The following TCERG1L variants were observed in gnomAD, a reference collection of about 807,000 sequenced individuals.
TCERG1L encodes the protein transcription elongation regulator 1-like protein.
TCERG1L carries 37 observed loss-of-function variants against 56.3 expected under a neutral mutation model. The observed-to-expected ratio is 0.66, with a 90% CI of 0.51 to 0.87. TCERG1L has a LOEUF of 0.87. Ranked by LOEUF, TCERG1L falls within the 40% of genes least tolerant of loss-of-function variation. The pLI is 0.00. For synonymous variants in TCERG1L, 324 were observed against 326.3 expected (o/e 0.99, Z 0.08); for missense variants, 799 against 774.2 (o/e 1.03, Z -0.38).
intron 3 of TCERG1L, among the ~76,000 whole-genome samples, chr10:131,298,739 G>T (rs1846724739): frequency 6.6e-6 from 1 of 152,162 alleles, no homozygotes; most frequent in Non-Finnish European, 1.5e-5. Flanking sequence ...TAAAATTTTT[G>T]ACTTGTTTTA....
intron 9 of TCERG1L, among the ~76,000 whole-genome samples, chr10:131,109,105 A>C (rs1845384813): frequency 6.6e-6 from 1 of 151,944 alleles, no homozygotes; most frequent in African/African-American, 2.4e-5. Context: ...TTAGAACCCC[A>C]TCTGCCCAGC....
chr10:131,182,507 G>A (rs922560072), intron 4 of TCERG1L, among the ~76,000 whole-genome samples: 1 of 152,234 alleles, frequency 6.6e-6, no homozygotes, highest in East Asian at 1.9e-4. Context: ...TGATTTAAAT[G>A]AGTAGATACT....
At chr10:131,282,464 GAAAGT>G (rs1240248662) in intron 3 of TCERG1L, among the ~76,000 whole-genome samples, 1 of 152,126 alleles carries the variant, frequency 6.6e-6, no homozygotes, top group Non-Finnish European at 1.5e-5. Context: ...AGAAACCAGC[GAAAGT>G]AACCTCAGCC....
At chr10:131,117,970 T>C (rs1334983544) in intron 8 of TCERG1L, among the ~76,000 whole-genome samples, 1 of 152,034 alleles carries the variant, frequency 6.6e-6, no homozygotes, top group Non-Finnish European at 1.5e-5. Context: ...TGGGGGCAGG[T>C]CCGTCGGCTG....
At chr10:131,272,045 A>G (rs1846345014) in intron 3 of TCERG1L, among the ~76,000 whole-genome samples, 1 of 152,156 alleles carries the variant, frequency 6.6e-6, no homozygotes, top group African/African-American at 2.4e-5. Flanking sequence ...TCACAGGGAG[A>G]TAAGCCTGGG....
At chr10:131,210,078 T>G (rs569929030) in intron 4 of TCERG1L, among the ~76,000 whole-genome samples, 3 of 152,312 alleles carry the variant, frequency 2.0e-5, no homozygotes, top group African/African-American at 7.2e-5. Flanking sequence ...AGAAGTGACA[T>G]AAAGATCACC....
rs556899932 is a variant in TCERG1L, at chr10:131,224,780, A to G, written c.856+35479T>C. On this transcript the variant is annotated intron_variant, in intron 4 of 11. Coordinates refer to ENST00000368642, the MANE Select transcript of TCERG1L (RefSeq NM_174937.4). ...CACCCCCTACTCTCCCAGATAAAAC[A>G]TGTGGGAAAACACTGACAATCTGTG... is the stretch of plus-strand genomic sequence containing the variant. Among the ~76,000 whole-genome samples the G allele has an allele frequency of 2.6e-5, 4 of 151,308 alleles. No individual in the cohort carries two copies. The East Asian group carries it at 7.8e-4, about 30-fold the overall frequency.
chr10:131,150,206 T>A (rs888948219), intron 6 of TCERG1L, among the ~76,000 whole-genome samples: 1 of 13,098 alleles, frequency 7.6e-5, no homozygotes, highest in Admixed American at 1.0e-3. Flanking sequence ...GATGGACCTG[T>A]TGAGCACCAT....
In TCERG1L at chr10:131,146,500, A is replaced by T; in HGVS notation, c.1189+6T>A. ...AGGAGGTGTAAATAACCCAGGGCTT[A>T]GTTACTTGCTGGTGCCTCCAGCTTG... On this transcript the variant is annotated splice_donor_region_variant and intron_variant, in intron 7 of 11. Coordinates refer to ENST00000368642, the MANE Select transcript of TCERG1L (RefSeq NM_174937.4). 1 of 1,605,548 alleles carries T rather than the reference A, an allele frequency of 6.2e-7. No homozygotes were observed. Among genetic ancestry groups the T allele is most frequent in the South Asian group, 1.1e-5 (1 of 90,412 alleles).
intron 6 of TCERG1L, 85 bp from the exon 7 acceptor site, chr10:131,146,745 CCCTCAGG>C: frequency 8.3e-6 from 12 of 1,453,212 alleles, no homozygotes; most frequent in South Asian, 2.9e-5. Context: ...CTGAAAAAGC[CCCTCAGG>C]ACCGAAATCC....
intron 6 of TCERG1L, among the ~76,000 whole-genome samples, chr10:131,151,146 C>G (rs1360563868): frequency 6.6e-6 from 1 of 152,222 alleles, no homozygotes; most frequent in Admixed American, 6.5e-5. Flanking sequence ...TCTCCCAAAT[C>G]TCATGTTCCT....
chr10:131,202,361 C>T (rs907332979), intron 4 of TCERG1L, among the ~76,000 whole-genome samples: 2 of 152,198 alleles, frequency 1.3e-5, no homozygotes, highest in Non-Finnish European at 2.9e-5. Context: ...GAGGGCGGAT[C>T]ACCTGAGGTC....
chr10:131,228,290 A>G (rs1272883605), intron 4 of TCERG1L, among the ~76,000 whole-genome samples: 1 of 81,964 alleles, frequency 1.2e-5, no homozygotes, highest in African/African-American at 5.1e-5. Flanking sequence ...CCCTCCAGAC[A>G]GGCATTTCCT....
chr10:131,153,835 G>A (rs572836750), intron 6 of TCERG1L, among the ~76,000 whole-genome samples: 1 of 152,218 alleles, frequency 6.6e-6, no homozygotes, highest in East Asian at 1.9e-4. Flanking sequence ...CCGAGTGACG[G>A]CAACTAACAC....
intron 4 of TCERG1L, among the ~76,000 whole-genome samples, chr10:131,242,541 C>G (rs901679623): frequency 3.9e-5 from 6 of 152,194 alleles, no homozygotes; most frequent in Non-Finnish European, 8.8e-5. Context: ...GGAACAACAT[C>G]TACTTAATTA....
intron 4 of TCERG1L, among the ~76,000 whole-genome samples, chr10:131,188,122 T>C (rs1845266058): frequency 6.6e-6 from 1 of 152,254 alleles, no homozygotes; most frequent in Non-Finnish European, 1.5e-5. Flanking sequence ...AGCACACTGC[T>C]GCTGACAAGA....
intron 9 of TCERG1L, among the ~76,000 whole-genome samples, chr10:131,106,082 G>A (rs1249574695): frequency 6.6e-6 from 1 of 152,242 alleles, no homozygotes; most frequent in East Asian, 1.9e-4. Context: ...GCACTGGTGT[G>A]TTCATTGCTA....
At chr10:131,292,731 G>A (rs925958676) in intron 3 of TCERG1L, among the ~76,000 whole-genome samples, 2 of 151,806 alleles carry the variant, frequency 1.3e-5, no homozygotes, top group Admixed American at 6.6e-5. Flanking sequence ...TCCCAAAATC[G>A]TTTATCTAAT....
intron 4 of TCERG1L, among the ~76,000 whole-genome samples, chr10:131,172,707 C>A (rs1846107345): frequency 1.3e-5 from 2 of 152,176 alleles, no homozygotes; most frequent in Admixed American, 6.5e-5. Context: ...GGGGAGAACA[C>A]CCAGGCCTGT....
Sources: gnomAD v4.1 joint callset for allele counts (sites outside exome capture counted in the v4.1 genomes callset) on GRCh38, gnomAD v4.1.1 for gene constraint, MANE v1.5 for transcripts, NCBI Gene and HGNC (gene_info 2026-07-23, HGNC 2026-07-21) for gene names.